LIMS2: variants seen among roughly 807,000 people sequenced by gnomAD.
The protein encoded by LIMS2 is LIM and senescent cell antigen-like-containing domain protein 2.
Under a neutral mutation model 45.3 loss-of-function variants are expected in LIMS2, and 30 were observed. That is an observed-to-expected ratio of 0.66 (90% CI 0.50 to 0.90). The LOEUF (loss-of-function observed/expected upper bound fraction) is 0.90. LIMS2 is among the 40% of genes least tolerant of loss of function. The probability of loss-of-function intolerance (pLI) is 0.00; values close to 1 mark genes in which losing one functional copy is unlikely to be tolerated. For synonymous variants in LIMS2, 173 were observed against 188.0 expected, an observed-to-expected ratio of 0.92 and a Z score of 0.65; for missense variants, 485 against 468.7, an observed-to-expected ratio of 1.03 and a Z score of -0.32.
chr2:127,639,497 G>A, intron 9 of LIMS2, 69 bp from the exon 10 acceptor site: 2 of 1,577,338 alleles, frequency 1.3e-6, no homozygotes, highest in Non-Finnish European at 1.7e-6. Flanking sequence ...GGTGACTGTG[G>A]AGTGGGCTTC....
chr2:127,664,305 C>A lies in LIMS2; in HGVS notation c.12-6743G>T. 9 of 1,236,100 alleles carry A rather than the reference C, an allele frequency of 7.3e-6. No individual in the cohort carries two copies. The highest frequency in any genetic ancestry group is 9.1e-6 in the Non-Finnish European group (9 of 990,634). 76.6% of individuals were successfully genotyped at this position (1,236,100 alleles called of 1,614,324 possible). On this transcript the variant is annotated intron_variant, in intron 1 of 9. Coordinates refer to ENST00000355119, the MANE Select transcript of LIMS2 (RefSeq NM_001161403.3). The surrounding 1 kb of genome is among the most constrained non-coding windows in gnomAD (Gnocchi z 5.5). ...CACCCGCCCCGCCCCTGGCCACCTA[C>A]CCCGTGGCTGGCGGCGGGCTCTGCC...
intron 9 of LIMS2, 128 bp downstream of exon 9, chr2:127,639,942 C>T (rs144896876): frequency 0.017 from 16,515 of 985,608 alleles, 182 homozygotes; most frequent in Non-Finnish European, 0.019. Context: ...GGTATAAGGC[C>T]GGGCTGCCCC....
intron 4 of LIMS2, chr2:127,651,134 T>G: frequency 6.2e-7 from 1 of 1,613,400 alleles, no homozygotes; most frequent in Non-Finnish European, 8.5e-7. Context: ...TCCTGGCCAT[T>G]GTGCACCCGG....
chr2:127,670,580 G>A (rs1384072659), intron 1 of LIMS2, among the ~76,000 whole-genome samples: 4 of 152,362 alleles, frequency 2.6e-5, no homozygotes, highest in East Asian at 1.9e-4. Flanking sequence ...GTGAATGCAC[G>A]AAAAACCACT....
At position 127,642,115 on chromosome 2, in the gene LIMS2, G is replaced by A. The variant is rs74638847; in HGVS notation, c.594C>T (p.Cys198=). 5.8e-4 allele frequency: 930 copies of A among 1,607,828 alleles called. 3 individuals are homozygous for A. In the African/African-American group the frequency reaches 9.5e-3, roughly 16 times the overall value. ...CCTCGATGGGCCGGCGGCAGGCCCC[G>A]CAGATGGGGACGCCCATCTTGTCAT... The part of the protein sequence containing the change: ...PCHDKMGVPI[C]GACRRPIEGR... Residue 198 remains cysteine (C), a synonymous_variant, in exon 6 of 10, where the codon TGC becomes TGT. Coordinates refer to ENST00000355119, the MANE Select transcript of LIMS2 (RefSeq NM_001161403.3). The surrounding 1 kb of genome is among the most constrained non-coding windows in gnomAD (Gnocchi z 5.3).
chr2:127,651,644 G>T, intron 4 of LIMS2: 1 of 1,613,492 alleles, frequency 6.2e-7, no homozygotes, highest in Non-Finnish European at 8.5e-7. Flanking sequence ...TGGCTGAGAA[G>T]TTCCGCCACG....
chr2:127,643,083 CG>C lies in LIMS2; in HGVS notation c.360-12del. On this transcript the variant is annotated splice_polypyrimidine_tract_variant and intron_variant, in intron 4 of 9. Transcript: ENST00000355119. Reference sequence around the variant, plus strand: ...GGCCGGCAGAGATGCCTGCGGGAGGCGGGGGCATTAGGGGCAGAGCCCCCAC... The same window carrying C: ...GGCCGGCAGAGATGCCTGCGGGAGGCGGGGCATTAGGGGCAGAGCCCCCAC... 2 of 1,563,476 alleles carry C rather than the reference CG, an allele frequency of 1.3e-6. No homozygotes were observed. Among genetic ancestry groups the C allele is most frequent in the African/African-American group, 1.4e-5 (1 of 74,016 alleles).
chr2:127,642,267 C>G lies in LIMS2; in HGVS notation c.510-68G>C. On this transcript the variant is annotated intron_variant, in intron 5 of 9. Coordinates refer to ENST00000355119, the MANE Select transcript of LIMS2 (RefSeq NM_001161403.3). This position sits in a 1 kb window ranked among gnomAD's most constrained non-coding sequence, Gnocchi z 5.3. ...CTGCAGGGTCATGCCAGCAGCGCCTCCACCCCAGGGCACGGCTCCCCGAGG... is the reference window on the plus strand; with the variant it reads ...CTGCAGGGTCATGCCAGCAGCGCCTGCACCCCAGGGCACGGCTCCCCGAGG... 7.0e-7 allele frequency: 1 copy of G among 1,423,058 alleles called. No homozygotes were observed. Among genetic ancestry groups the G allele is most frequent in the Admixed American group, 2.7e-5 (1 of 37,636 alleles). 88.2% of individuals were successfully genotyped at this position (1,423,058 alleles called of 1,614,324 possible).
At chr2:127,665,046 G>A (rs547784326) in intron 1 of LIMS2, among the ~76,000 whole-genome samples, 13 of 152,284 alleles carry the variant, frequency 8.5e-5, no homozygotes, top group African/African-American at 2.6e-4. Context: ...GGGAGCAGAC[G>A]CAGAGGGACC....
intron 1 of LIMS2, among the ~76,000 whole-genome samples, chr2:127,660,414 C>T (rs1323980436): frequency 6.6e-6 from 1 of 152,212 alleles, no homozygotes; most frequent in Non-Finnish European, 1.5e-5. Context: ...CCTTTATGAG[C>T]TGTAATGTTC....
chr2:127,668,668 C>CAAAAAAAAAAAAAAAAAAAAA (rs70985469), intron 1 of LIMS2, among the ~76,000 whole-genome samples: 4 of 17,268 alleles, frequency 2.3e-4, no homozygotes, highest in African/African-American at 3.6e-4. Context: ...GACTCCGTCT[C>CAAAAAAAAAAAAAAAAAAAAA]AAAAAAAAAA....
At chr2:127,674,529 C>G in intron 1 of LIMS2, 1 of 762,022 alleles carries the variant, frequency 1.3e-6, no homozygotes, top group Non-Finnish European at 1.6e-6. Flanking sequence ...GCAGCTCTGG[C>G]CAAGTTCCAA....
intron 4 of LIMS2, chr2:127,644,001 C>G (rs1284926174): frequency 4.4e-6 from 2 of 454,798 alleles, no homozygotes; most frequent in Non-Finnish European, 8.8e-6. Flanking sequence ...GATCCCCACC[C>G]AGGTTATGGT....
chr2:127,660,966 T>G (rs967943573), intron 1 of LIMS2, among the ~76,000 whole-genome samples: 1 of 152,118 alleles, frequency 6.6e-6, no homozygotes, highest in Non-Finnish European at 1.5e-5. Context: ...CTCCTTCCTG[T>G]GCCCAGGGGC....
intron 1 of LIMS2, 59 bp from the exon 2 acceptor site, chr2:127,657,621 A>C: frequency 6.6e-7 from 1 of 1,512,410 alleles, no homozygotes; most frequent in Non-Finnish European, 8.9e-7. Flanking sequence ...GATGGGGCAC[A>C]CGCGGGGGCC....
chr2:127,651,317 G>A, intron 4 of LIMS2: 2 of 1,610,344 alleles, frequency 1.2e-6, no homozygotes, highest in Non-Finnish European at 8.5e-7. Flanking sequence ...ACCATGCCCT[G>A]GTGTCCCTGG....
Position 127,667,986 on chromosome 2 carries a change from A to C in LIMS2, c.11+7028T>G, listed in dbSNP as rs893990212. Among the ~76,000 whole-genome samples, 32 of 152,252 alleles carry C rather than the reference A, an allele frequency of 2.1e-4. No homozygotes were observed. The highest frequency in any genetic ancestry group is 1.3e-4 in the Non-Finnish European group (9 of 68,046). ...CTATTTACAGATAAGAAATGAGTTC[A>C]GTAAGTCTGCAAGGTATACACTCAA... On this transcript the variant is annotated intron_variant, in intron 1 of 9. Transcript: ENST00000355119. This position sits in a 1 kb window ranked among gnomAD's most constrained non-coding sequence, Gnocchi z 4.1.
At chr2:127,670,548 ATGG>A (rs898973907) in intron 1 of LIMS2, among the ~76,000 whole-genome samples, 29 of 152,388 alleles carry the variant, frequency 1.9e-4, no homozygotes, top group African/African-American at 7.0e-4. Context: ...TCTGGAATTA[ATGG>A]TGATGGTTGC....
intron 4 of LIMS2, among the ~76,000 whole-genome samples, chr2:127,644,352 C>T (rs1316983813): frequency 6.6e-6 from 1 of 152,208 alleles, no homozygotes; most frequent in Non-Finnish European, 1.5e-5. Context: ...CTGGCCAGAG[C>T]CCTGGCTCTT....
Sources: allele counts gnomAD v4.1 joint callset (sites outside exome capture counted in the v4.1 genomes callset), GRCh38; gene constraint gnomAD v4.1.1; non-coding constraint Gnocchi (gnomAD v3.1); transcripts MANE v1.5; gene names NCBI Gene and HGNC (gene_info 2026-07-23, HGNC 2026-07-21).